Variants in CACNA2D1 observed in about 807,000 individuals in gnomAD.
The protein encoded by CACNA2D1 is calcium voltage-gated channel auxiliary subunit alpha2delta 1.
A neutral mutation model predicts 171.5 loss-of-function variants in CACNA2D1; 53 were observed. That is an observed-to-expected ratio of 0.31 (90% CI 0.25 to 0.39). The LOEUF is 0.39. CACNA2D1 is among the 10% of genes least tolerant of loss of function. CACNA2D1 has a pLI of 1.00. For synonymous variants in CACNA2D1, 442 were observed against 443.1 expected, an observed-to-expected ratio of 1.00 and a Z score of 0.03; for missense variants, 903 against 1,299.8, an observed-to-expected ratio of 0.69 and a Z score of 4.69.
At chr7:82,411,097 C>T (rs979723835) in intron 1 of CACNA2D1, among the ~76,000 whole-genome samples, 2 of 152,094 alleles carry the variant, frequency 1.3e-5, no homozygotes, top group Admixed American at 6.6e-5. Flanking sequence ...GAGTGTCTTC[C>T]AGGTAACAAT....
chr7:82,223,108 G>A (rs1323860481), intron 3 of CACNA2D1, among the ~76,000 whole-genome samples: 1 of 151,950 alleles, frequency 6.6e-6, no homozygotes, highest in African/African-American at 2.4e-5. Context: ...GTTTCAACAT[G>A]TTGGCCAGGC....
chr7:82,419,982 G>A (rs951742741), intron 1 of CACNA2D1, among the ~76,000 whole-genome samples: 3 of 152,126 alleles, frequency 2.0e-5, no homozygotes, highest in Admixed American at 6.5e-5. Flanking sequence ...GGCCAAGGAC[G>A]CTGCTAAAAT....
intron 1 of CACNA2D1, among the ~76,000 whole-genome samples, chr7:82,391,072 A>C (rs919281430): frequency 5.9e-5 from 9 of 152,178 alleles, no homozygotes; most frequent in Admixed American, 3.3e-4. Context: ...ACATCTAAGC[A>C]AGACAACTGG....
At chr7:82,034,495 C>G (rs952557821) in intron 11 of CACNA2D1, among the ~76,000 whole-genome samples, 1 of 152,010 alleles carries the variant, frequency 6.6e-6, no homozygotes, top group Non-Finnish European at 1.5e-5. Context: ...CAAGTATTAA[C>G]TAATATAATT....
At chr7:82,027,199 G>T (rs967914781) in intron 12 of CACNA2D1, among the ~76,000 whole-genome samples, 1 of 151,554 alleles carries the variant, frequency 6.6e-6, no homozygotes, top group Non-Finnish European at 1.5e-5. Context: ...TGTATAATTG[G>T]GTTCTTTGTA....
chr7:82,107,658 A>G (rs1787914026), intron 6 of CACNA2D1, among the ~76,000 whole-genome samples: 2 of 147,598 alleles, frequency 1.4e-5, no homozygotes, highest in Non-Finnish European at 3.0e-5. Flanking sequence ...ATCTCAGCTC[A>G]CTGCAACCTC....
intron 3 of CACNA2D1, among the ~76,000 whole-genome samples, chr7:82,197,519 A>C (rs1282660739): frequency 6.6e-6 from 1 of 152,104 alleles, no homozygotes; most frequent in East Asian, 1.9e-4. Flanking sequence ...TGGGGCTGAG[A>C]AATGAATTAC....
chr7:82,285,467 ACT>A (rs911503899), intron 3 of CACNA2D1, among the ~76,000 whole-genome samples: 1 of 151,782 alleles, frequency 6.6e-6, no homozygotes, highest in South Asian at 2.1e-4. Context: ...CATATAAGTA[ACT>A]CTGAAATTCT....
Position 82,146,449 on chromosome 7 carries a change from TAA to T in CACNA2D1, c.355-9775_355-9774del, listed in dbSNP as rs1287855291. On this transcript the variant is annotated intron_variant, in intron 4 of 38. Transcript: ENST00000356860. Reference sequence around the variant, plus strand: ...ATATACATATTTATATTTATATATATAAAGATATATATAAATATATATCTTTA... The same window carrying T: ...ATATACATATTTATATTTATATATATAGATATATATAAATATATATCTTTA... Among the ~76,000 whole-genome samples the T allele has an allele frequency of 8.2e-5, 12 of 145,590 alleles. 2 individuals carry two copies. The highest frequency in any genetic ancestry group is 2.0e-4 in the African/African-American group (8 of 40,090).
chr7:82,298,128 A>C (rs879590753), intron 3 of CACNA2D1, among the ~76,000 whole-genome samples: 12 of 152,176 alleles, frequency 7.9e-5, no homozygotes, highest in Non-Finnish European at 1.5e-4. Context: ...TTATTGAGTA[A>C]TATTTAGTAT....
intron 4 of CACNA2D1, among the ~76,000 whole-genome samples, chr7:82,146,896 G>C (rs147158447): frequency 0.036 from 4,974 of 139,364 alleles, 139 homozygotes; most frequent in South Asian, 0.11. Flanking sequence ...TGAGGCAGGA[G>C]AATCACTTGA....
intron 1 of CACNA2D1, among the ~76,000 whole-genome samples, chr7:82,356,710 G>A (rs1011641361): frequency 6.0e-5 from 9 of 151,220 alleles, no homozygotes; most frequent in Non-Finnish European, 1.0e-4. Context: ...GTATCTCTCC[G>A]TAATCCACAT....
chr7:82,225,328 A>C (rs577052008), intron 3 of CACNA2D1, among the ~76,000 whole-genome samples: 1 of 152,176 alleles, frequency 6.6e-6, no homozygotes. Flanking sequence ...ACTTCAAAAG[A>C]CTTATTATAA....
At chr7:82,402,705 C>CAAAA (rs59290672) in intron 1 of CACNA2D1, among the ~76,000 whole-genome samples, 45 of 64,798 alleles carry the variant, frequency 6.9e-4, no homozygotes, top group Non-Finnish European at 9.1e-4. Flanking sequence ...GACTCTGTCT[C>CAAAA]AAAAAAAAAA....
intron 4 of CACNA2D1, among the ~76,000 whole-genome samples, chr7:82,154,788 T>C (rs1180702291): frequency 1.3e-5 from 2 of 152,170 alleles, no homozygotes; most frequent in African/African-American, 2.4e-5. Flanking sequence ...TCATTTCTAG[T>C]AAAACAAGGT....
intron 7 of CACNA2D1, among the ~76,000 whole-genome samples, chr7:82,074,257 C>T (rs939317843): frequency 3.9e-5 from 6 of 152,112 alleles, no homozygotes. Context: ...GATGGAGTCT[C>T]AGTCTGTTGC....
chr7:82,321,348 G>A (rs1411513791), intron 3 of CACNA2D1, among the ~76,000 whole-genome samples: 22 of 152,074 alleles, frequency 1.4e-4, no homozygotes, highest in South Asian at 2.1e-4. Context: ...GCAGTGGGCC[G>A]AGATGGCACC....
chr7:82,163,970 T>TA (rs903490047), intron 4 of CACNA2D1, among the ~76,000 whole-genome samples: 6 of 151,900 alleles, frequency 3.9e-5, no homozygotes, highest in African/African-American at 1.4e-4. Flanking sequence ...CAAGAGTTTT[T>TA]AGATTAAAAA....
chr7:82,091,253 G>A (rs558879290), intron 6 of CACNA2D1, among the ~76,000 whole-genome samples: 1 of 152,254 alleles, frequency 6.6e-6, no homozygotes, highest in South Asian at 2.1e-4. Flanking sequence ...CATGTCTCGG[G>A]CACCAGAATC....
Sources: allele counts gnomAD v4.1 joint callset (sites outside exome capture counted in the v4.1 genomes callset), GRCh38; gene constraint gnomAD v4.1.1; transcripts MANE v1.5; gene names NCBI Gene and HGNC (gene_info 2026-07-23, HGNC 2026-07-21).